DYNC1I1: variants seen among roughly 807,000 people sequenced by gnomAD.
The protein encoded by DYNC1I1 is dynein cytoplasmic 1 intermediate chain 1, also known as cytoplasmic dynein 1 intermediate chain 1.
A neutral mutation model predicts 86.6 loss-of-function variants in DYNC1I1; 43 were observed. The observed-to-expected ratio is 0.50, with a 90% confidence interval of 0.39 to 0.64. DYNC1I1 has a LOEUF of 0.64. Among genes scored for constraint, DYNC1I1 ranks in the 30% least tolerant of loss-of-function variants. The probability of loss-of-function intolerance (pLI) is 0.00; values close to 1 mark genes in which losing one functional copy is unlikely to be tolerated. For missense variants in DYNC1I1, 604 were observed against 788.8 expected (o/e 0.77, Z 2.81); for synonymous variants, 262 against 283.7 (o/e 0.92, Z 0.77).
At chr7:96,033,244 G>A (rs1459625182) in intron 12 of DYNC1I1, among the ~76,000 whole-genome samples, 2 of 152,156 alleles carry the variant, frequency 1.3e-5, no homozygotes, top group Non-Finnish European at 2.9e-5. Context: ...GAAACCATCT[G>A]TTTTCCCCTC....
chr7:96,064,933 A>T (rs1789918391), intron 14 of DYNC1I1, among the ~76,000 whole-genome samples: 1 of 152,186 alleles, frequency 6.6e-6, no homozygotes, highest in African/African-American at 2.4e-5. Flanking sequence ...AAGGCAAAAA[A>T]AAAAAGGCAG....
At chr7:95,971,742 A>G (rs543141573) in intron 6 of DYNC1I1, among the ~76,000 whole-genome samples, 118 of 152,314 alleles carry the variant, frequency 7.7e-4, no homozygotes, top group African/African-American at 2.6e-3. Context: ...TCTCAGTGGT[A>G]TATAAAATAA....
chr7:95,987,146 G>T lies in DYNC1I1; in HGVS notation c.834G>T (p.Trp278Cys), dbSNP rs1315054045. Residue 278 changes from tryptophan to cysteine, a missense_variant, in exon 9 of 17, where the codon TGG becomes TGT. Trp to Cys is a radical substitution (Grantham distance 215). Transcript: ENST00000447467. Reference protein sequence around the residue: ...SKHRVVTCMDWSLQYPELMVA... With the variant: ...SKHRVVTCMDCSLQYPELMVA... ...ATCGAGTGGTCACTTGTATGGACTG[G>T]TCCCTCCAGGTAAGAATTATTGCTG... 1 of 1,613,698 alleles carries T rather than the reference G, an allele frequency of 6.2e-7. No individual in the cohort carries two copies.
intron 11 of DYNC1I1, among the ~76,000 whole-genome samples, chr7:96,031,247 A>G (rs1233995288): frequency 1.3e-5 from 2 of 152,168 alleles, no homozygotes; most frequent in Non-Finnish European, 2.9e-5. Flanking sequence ...CAGCATTTTC[A>G]AAAGAGATTC....
At chr7:95,816,272 T>G (rs759932738) in intron 4 of DYNC1I1, among the ~76,000 whole-genome samples, 1 of 152,238 alleles carries the variant, frequency 6.6e-6, no homozygotes, top group African/African-American at 2.4e-5. Flanking sequence ...TCCTTTTGCC[T>G]TGGCCTCCCA....
At chr7:96,004,628 A>G (rs986813374) in intron 10 of DYNC1I1, among the ~76,000 whole-genome samples, 33 of 148,442 alleles carry the variant, frequency 2.2e-4, no homozygotes, top group African/African-American at 7.6e-4. Context: ...CCAAGTGCTC[A>G]TGCTCACATA....
intron 14 of DYNC1I1, among the ~76,000 whole-genome samples, chr7:96,072,535 A>G (rs1790201026): frequency 6.6e-6 from 1 of 152,162 alleles, no homozygotes; most frequent in African/African-American, 2.4e-5. Context: ...TGTAGAGTAA[A>G]TCTTTAAAAT....
downstream of DYNC1I1, among the ~76,000 whole-genome samples, chr7:96,102,337 A>C (rs576380422): frequency 6.6e-6 from 1 of 152,320 alleles, no homozygotes; most frequent in Admixed American, 6.5e-5. Context: ...AGAATAAGCA[A>C]GAATTAACTA....
intron 2 of DYNC1I1, among the ~76,000 whole-genome samples, chr7:95,808,992 A>G (rs1794766183): frequency 6.6e-6 from 1 of 152,146 alleles, no homozygotes; most frequent in African/African-American, 2.4e-5. Context: ...TAAAATTGGA[A>G]AAGAACATGA....
intron 6 of DYNC1I1, among the ~76,000 whole-genome samples, chr7:95,944,273 A>G (rs1216281334): frequency 1.3e-5 from 2 of 152,260 alleles, no homozygotes; most frequent in Non-Finnish European, 2.9e-5. Context: ...CACATGAAAA[A>G]ATGCTCACCA....
intron 10 of DYNC1I1, among the ~76,000 whole-genome samples, chr7:96,009,873 G>C (rs577330709): frequency 6.6e-6 from 1 of 151,648 alleles, no homozygotes; most frequent in East Asian, 1.9e-4. Context: ...TCCGCCTCTC[G>C]GGTTCAAGCG....
chr7:95,779,880 G>C (rs1221276826), intron 1 of DYNC1I1, among the ~76,000 whole-genome samples: 2 of 152,152 alleles, frequency 1.3e-5, no homozygotes, highest in African/African-American at 2.4e-5. Flanking sequence ...GTAATACCTA[G>C]AATCCTGGAA....
At chr7:95,777,740 T>C (rs112228777) in intron 1 of DYNC1I1, among the ~76,000 whole-genome samples, 277 of 152,264 alleles carry the variant, frequency 1.8e-3, no homozygotes, top group African/African-American at 6.2e-3. Context: ...ATAAAAATAA[T>C]GAATCTCAAG....
At chr7:95,799,848 T>G (rs139367769) in intron 1 of DYNC1I1, among the ~76,000 whole-genome samples, 242 of 152,042 alleles carry the variant, frequency 1.6e-3, no homozygotes, top group African/African-American at 5.4e-3. Flanking sequence ...TTTAAATGAT[T>G]GCAGTGAACT....
intron 6 of DYNC1I1, among the ~76,000 whole-genome samples, chr7:95,891,705 G>A (rs1790743504): frequency 6.6e-6 from 1 of 152,216 alleles, no homozygotes; most frequent in Non-Finnish European, 1.5e-5. Context: ...TTGGGGGAAA[G>A]GGAGCATGAT....
At chr7:96,106,509 T>C (rs1233612831) in intron 16 of DYNC1I1, among the ~76,000 whole-genome samples, 2 of 151,888 alleles carry the variant, frequency 1.3e-5, no homozygotes, top group East Asian at 3.9e-4. Flanking sequence ...CACTCCAGCC[T>C]GGGCAACAAG....
intron 14 of DYNC1I1, among the ~76,000 whole-genome samples, chr7:96,047,236 A>G (rs1789244874): frequency 6.6e-6 from 1 of 152,126 alleles, no homozygotes; most frequent in Non-Finnish European, 1.5e-5. Context: ...TTTTAATACT[A>G]TCACAGTAGG....
intron 1 of DYNC1I1, among the ~76,000 whole-genome samples, chr7:95,799,955 GGA>G (rs1794538466): frequency 1.3e-5 from 2 of 151,602 alleles, no homozygotes; most frequent in Non-Finnish European, 1.5e-5. Context: ...AAAAGGAAGA[GGA>G]GGAGGAGGAG....
rs759118062 is a variant in DYNC1I1 at position 96,080,397 on chromosome 7, C to T, written c.1685C>T (p.Ser562Phe). 5.0e-6 allele frequency: 8 copies of T among 1,612,274 alleles called. No individual in the cohort carries two copies. ...GCAAGTGTGGCCATTGAGGGGGCAT[C>T]CGCCCTAAACCGTGTTCGTTGGGCC... The part of the protein sequence containing the change: ...PTASVAIEGA[S>F]ALNRVRWAQA... The change falls in exon 16 of 17, where the codon TCC becomes TTC. Residue 562 changes from serine to phenylalanine, a missense_variant. Physicochemically the swap from Ser to Phe is radical, Grantham distance 155 (BLOSUM62 -2). Transcript: ENST00000447467.
Sources: allele counts gnomAD v4.1 joint callset (sites outside exome capture counted in the v4.1 genomes callset), GRCh38; gene constraint gnomAD v4.1.1; transcripts MANE v1.5; gene names NCBI Gene and HGNC (gene_info 2026-07-23, HGNC 2026-07-21).